Variants in LDB3 observed in about 807,000 individuals in gnomAD.
LDB3 encodes LIM domain-binding protein 3.
LDB3 carries 49 observed loss-of-function variants against 69.0 expected under a neutral mutation model. The ratio of observed to expected loss-of-function variants is 0.71; its 90% CI spans 0.56 to 0.90. LDB3 has a LOEUF of 0.90. LDB3 is among the 40% of genes least tolerant of loss of function. The pLI is 0.00. For synonymous variants in LDB3, 387 were observed against 396.2 expected (o/e 0.98, Z 0.28); for missense variants, 928 against 974.1 (o/e 0.95, Z 0.63).
At chr10:86,703,253 G>C (rs1192948578) in intron 7 of LDB3, among the ~76,000 whole-genome samples, 2 of 152,210 alleles carry the variant, frequency 1.3e-5, no homozygotes, top group African/African-American at 2.4e-5. Flanking sequence ...TTCTGTGTCA[G>C]CCTGAGCCGT....
Position 86,706,600 on chromosome 10 carries a change from G to A in LDB3, c.966G>A (p.Gln322=), listed in dbSNP as rs1212704947. ...CCCCGCTGCTGCCCGCTTCTGCCCA[G>A]CCACCTGCTGCTGCCTCTCCCAGTG... ...ATTPLLPASA[Q]PPAAASPSAA... The change falls in exon 8 of 14, where the codon CAG becomes CAA. Residue 322 remains glutamine, a synonymous_variant. Coordinates refer to ENST00000361373, the MANE Select transcript of LDB3 (RefSeq NM_007078.3). The A allele has an allele frequency of 6.2e-6, 10 of 1,613,162 alleles. No individual in the cohort carries two copies. The highest frequency in any genetic ancestry group is 1.3e-5 in the African/African-American group (1 of 75,060).
At chr10:86,698,093 CACCTCCTTA>C (rs1846088807) in intron 7 of LDB3, among the ~76,000 whole-genome samples, 1 of 152,198 alleles carries the variant, frequency 6.6e-6, no homozygotes, top group Admixed American at 6.5e-5. Context: ...AGCACCCACC[CACCTCCTTA>C]ACCTCTGGCA....
chr10:86,687,130 A>G (rs1845523343), intron 5 of LDB3: 1 of 1,614,020 alleles, frequency 6.2e-7, no homozygotes, highest in East Asian at 2.2e-5. Context: ...GTCCACCCAC[A>G]AGCCCATCGA....
intron 10 of LDB3, 41 bp from the exon 11 acceptor site, chr10:86,717,923 C>T (rs779823699): frequency 7.5e-6 from 12 of 1,600,606 alleles, no homozygotes; most frequent in Non-Finnish European, 1.0e-5. Flanking sequence ...ATTCCAAGTT[C>T]TGGGAGCTGC....
chr10:86,712,982 AC>A (rs1247178169), intron 9 of LDB3, among the ~76,000 whole-genome samples: 1 of 151,896 alleles, frequency 6.6e-6, no homozygotes, highest in Non-Finnish European at 1.5e-5. Context: ...AATCACTTGA[AC>A]CCAGGAGGCA....
At position 86,680,071 on chromosome 10, in the gene LDB3, G is replaced by T; in HGVS notation, c.246-11G>T. 6.2e-7 allele frequency: 1 copy of T among 1,613,524 alleles called. No homozygotes were observed. Among genetic ancestry groups the T allele is most frequent in the Non-Finnish European group, 8.5e-7 (1 of 1,179,412 alleles). Reference sequence around the variant, plus strand: ...AACTTCCTCACCTGGTCTCATTTCTGGTTTCTACAGATCAAAGCGTCCCAT... The same window carrying T: ...AACTTCCTCACCTGGTCTCATTTCTTGTTTCTACAGATCAAAGCGTCCCAT... On this transcript the variant is annotated splice_polypyrimidine_tract_variant and intron_variant, in intron 3 of 13. Coordinates refer to ENST00000361373, the MANE Select transcript of LDB3 (RefSeq NM_007078.3).
chr10:86,688,858 AGGG>A (rs1845627241), intron 5 of LDB3, among the ~76,000 whole-genome samples: 1 of 152,192 alleles, frequency 6.6e-6, no homozygotes, highest in Admixed American at 6.5e-5. Flanking sequence ...TCTCACCACT[AGGG>A]CACCCATCAG....
In LDB3 at chr10:86,733,041, G is replaced by T; in HGVS notation, c.*65G>T. The T allele has an allele frequency of 8.8e-7, 1 of 1,135,466 alleles. No individual in the cohort carries two copies. The allele number at this position is 1,135,466 out of a possible 1,614,324, so 70.3% of individuals were successfully genotyped here. A position where few individuals can be genotyped will look rare whatever the true frequency, so the allele number is the denominator to read the frequency against. ...TCCTGCTGCTGGCAACAAAGGATTC[G>T]GGAGGCTGATGTTTCTTCTGAGGGG... On this transcript the variant is annotated 3_prime_UTR_variant, in exon 14 of 14. Transcript: ENST00000361373.
At chr10:86,723,048 C>T (rs1281779477) in intron 12 of LDB3, among the ~76,000 whole-genome samples, 1 of 151,718 alleles carries the variant, frequency 6.6e-6, no homozygotes, top group Non-Finnish European at 1.5e-5. Context: ...AGGAGGACCC[C>T]TTGAGCCCAG....
intron 8 of LDB3, among the ~76,000 whole-genome samples, chr10:86,707,710 T>G (rs1036803986): frequency 6.6e-6 from 1 of 152,120 alleles, no homozygotes; most frequent in African/African-American, 2.4e-5. Context: ...CAGCCTGAGG[T>G]GGGATTGATG....
At position 86,699,771 on chromosome 10, in the gene LDB3, C is replaced by T; in HGVS notation, c.897-6760C>T. 9.3e-7 allele frequency: 1 copy of T among 1,079,946 alleles called. No homozygotes were observed. The highest frequency in any genetic ancestry group is 3.0e-5 in the South Asian group (1 of 33,574). The allele number at this position is 1,079,946 out of a possible 1,614,324, so 66.9% of individuals were successfully genotyped here. A position where few individuals can be genotyped will look rare whatever the true frequency, so the allele number is the denominator to read the frequency against. On this transcript the variant is annotated intron_variant, in intron 7 of 13. Transcript: ENST00000361373. The surrounding 1 kb of genome is among the most constrained non-coding windows in gnomAD (Gnocchi z 4.9). ...TCCTCAGCTCCTGGCCTCATCCCCT[C>T]CTAGAATGAGTCACCCGTAGATCAG...
chr10:86,711,284 G>A (rs1295279762), intron 9 of LDB3, among the ~76,000 whole-genome samples: 1 of 152,136 alleles, frequency 6.6e-6, no homozygotes, highest in Non-Finnish European at 1.5e-5. Flanking sequence ...AGGGCTCCGG[G>A]GGCGCGCGGC....
At chr10:86,700,875 C>T (rs1193059334) in intron 7 of LDB3, among the ~76,000 whole-genome samples, 1 of 152,242 alleles carries the variant, frequency 6.6e-6, no homozygotes, top group Non-Finnish European at 1.5e-5. Context: ...AGGCTGAGGA[C>T]ATGAGAGTGG....
Position 86,706,029 on chromosome 10 carries a change from C to T in LDB3, c.897-502C>T, listed in dbSNP as rs551552881. ...GTCTTGTTGGTGCCCTGAGTCCTTC[C>T]GAGCCCAAAGCCTAGGTTCTCACAA... On this transcript the variant is annotated intron_variant, in intron 7 of 13. Transcript: ENST00000361373. Among the ~76,000 whole-genome samples the T allele has an allele frequency of 3.9e-5, 6 of 152,284 alleles. No individual in the cohort carries two copies. In the South Asian group the frequency reaches 1.2e-3, roughly 32 times the overall value.
intron 7 of LDB3, among the ~76,000 whole-genome samples, chr10:86,693,528 C>T (rs1443476355): frequency 6.6e-6 from 1 of 152,238 alleles, no homozygotes; most frequent in Non-Finnish European, 1.5e-5. Context: ...CCAGCTTAGA[C>T]TTGTGGATTT....
chr10:86,684,293 T>C (rs1845333822), intron 5 of LDB3, among the ~76,000 whole-genome samples: 1 of 152,196 alleles, frequency 6.6e-6, no homozygotes, highest in Non-Finnish European at 1.5e-5. Flanking sequence ...CTCTCAGATG[T>C]GTCTGCTGCC....
intron 12 of LDB3, among the ~76,000 whole-genome samples, chr10:86,720,300 C>T (rs761809753): frequency 8.6e-5 from 13 of 152,000 alleles, no homozygotes; most frequent in Non-Finnish European, 1.8e-4. Flanking sequence ...GAAAATTAGC[C>T]GAGCATGATG....
intron 2 of LDB3, among the ~76,000 whole-genome samples, chr10:86,674,115 C>G (rs116895960): frequency 6.6e-6 from 1 of 152,104 alleles, no homozygotes; most frequent in African/African-American, 2.4e-5. Context: ...CTGTGGAGCC[C>G]GGGGATGTAG....
chr10:86,681,564 C>A lies in LDB3; in HGVS notation c.450C>A (p.Ser150=), dbSNP rs878854907. 6.2e-7 allele frequency: 1 copy of A among 1,612,920 alleles called. No individual in the cohort carries two copies. The highest frequency in any genetic ancestry group is 2.2e-5 in the East Asian group (1 of 44,872). ...TTAGCCCTGCCTTCTCCCGGCCCTC[C>A]GCCTTCTCCTCACTCGCCGAGGCCT... is the stretch of plus-strand genomic sequence containing the variant. The part of the protein sequence containing the change: ...PTFSPAFSRP[S]AFSSLAEASD... The change falls in exon 5 of 14, where the codon TCC becomes TCA. Residue 150 remains serine, a synonymous_variant. Transcript: ENST00000361373.
Sources: gnomAD v4.1 joint callset for allele counts (sites outside exome capture counted in the v4.1 genomes callset) on GRCh38, gnomAD v4.1.1 for gene constraint, Gnocchi (gnomAD v3.1) non-coding constraint, MANE v1.5 for transcripts, NCBI Gene and HGNC (gene_info 2026-07-23, HGNC 2026-07-21) for gene names.